Variants in VAT1L observed in about 807,000 individuals in gnomAD.
The protein encoded by VAT1L is putative NADPH-dependent quinone oxidoreductase VAT1L.
VAT1L carries 34 observed loss-of-function variants against 44.1 expected under a neutral mutation model. That is an observed-to-expected ratio of 0.77 (90% CI 0.59 to 1.03). The LOEUF is 1.03. Ranked by LOEUF, VAT1L falls within the 50% of genes least tolerant of loss-of-function variation. The pLI is 0.00. For synonymous variants in VAT1L, 253 were observed against 202.2 expected (o/e 1.25, Z -2.13); for missense variants, 615 against 538.8 (o/e 1.14, Z -1.40).
chr16:77,885,727 TA>T (rs1774396195), intron 7 of VAT1L, among the ~76,000 whole-genome samples: 1 of 152,110 alleles, frequency 6.6e-6, no homozygotes, highest in African/African-American at 2.4e-5. Flanking sequence ...AAATACTTTT[TA>T]AAAAAATAAC....
intron 6 of VAT1L, among the ~76,000 whole-genome samples, chr16:77,883,577 C>G (rs549764930): frequency 3.3e-5 from 5 of 152,266 alleles, no homozygotes; most frequent in African/African-American, 4.8e-5. Context: ...TTAGCTGCAT[C>G]CCTGGCTTCC....
At chr16:77,919,128 GTGTGTGTGCATGTGTGTGCATGCA>G (rs2017583730) in intron 7 of VAT1L, among the ~76,000 whole-genome samples, 1 of 152,198 alleles carries the variant, frequency 6.6e-6, no homozygotes, top group African/African-American at 2.4e-5. Flanking sequence ...TTGAGGGTGT[GTGTGTGTGCATGTGTGTGCATGCA>G]TGTGTGTGCA....
chr16:77,908,065 C>G (rs1463576236), intron 7 of VAT1L, among the ~76,000 whole-genome samples: 2 of 151,896 alleles, frequency 1.3e-5, no homozygotes, highest in South Asian at 2.1e-4. Context: ...ATGGTGAAAC[C>G]CCGTCTCTAC....
intron 7 of VAT1L, among the ~76,000 whole-genome samples, chr16:77,906,386 C>G (rs758253741): frequency 1.3e-5 from 2 of 152,222 alleles, no homozygotes; most frequent in Non-Finnish European, 2.9e-5. Context: ...CACCAGCATA[C>G]TTACCATTTT....
At chr16:77,892,485 T>C (rs1300136687) in intron 7 of VAT1L, 1 of 536,146 alleles carries the variant, frequency 1.9e-6, no homozygotes. Flanking sequence ...TGTGTCTCCT[T>C]TGAGCTGTTT....
chr16:77,904,967 G>GA (rs1177077247), intron 7 of VAT1L, among the ~76,000 whole-genome samples: 1 of 151,714 alleles, frequency 6.6e-6, no homozygotes, highest in East Asian at 1.9e-4. Flanking sequence ...ATACCTCAAG[G>GA]AAAAAAACAA....
chr16:77,908,871 G>A (rs1302144373), intron 7 of VAT1L, among the ~76,000 whole-genome samples: 4 of 151,922 alleles, frequency 2.6e-5, no homozygotes, highest in Admixed American at 1.3e-4. Flanking sequence ...CCGAGATGGC[G>A]CTACTGCACT....
intron 3 of VAT1L, among the ~76,000 whole-genome samples, chr16:77,849,863 G>GA (rs2016791658): frequency 6.6e-6 from 1 of 152,228 alleles, no homozygotes; most frequent in Non-Finnish European, 1.5e-5. Context: ...TGAAGTCACA[G>GA]AAAGAGTCCC....
chr16:77,976,026 A>G (rs408942), intron 8 of VAT1L, among the ~76,000 whole-genome samples: 14,616 of 152,268 alleles, frequency 0.096, 805 homozygotes, highest in African/African-American at 0.13. Flanking sequence ...AAAAGAACCA[A>G]TGTCTGCGAG....
chr16:77,934,552 A>G (rs2017769968), intron 7 of VAT1L, among the ~76,000 whole-genome samples: 1 of 152,136 alleles, frequency 6.6e-6, no homozygotes, highest in Non-Finnish European at 1.5e-5. Flanking sequence ...ACCATTTTGG[A>G]TTTCTGACCT....
intron 3 of VAT1L, among the ~76,000 whole-genome samples, chr16:77,840,146 G>A (rs1484255820): frequency 6.6e-6 from 1 of 152,176 alleles, no homozygotes; most frequent in Non-Finnish European, 1.5e-5. Flanking sequence ...GCAGTGAGTG[G>A]TGGCTGTGAT....
chr16:77,904,885 C>G, intron 7 of VAT1L, among the ~76,000 whole-genome samples: 1 of 152,038 alleles, frequency 6.6e-6, no homozygotes, highest in East Asian at 1.9e-4. Context: ...CATTTGTAAG[C>G]CTACTTCTCT....
chr16:77,903,330 C>G (rs574929759), intron 7 of VAT1L, among the ~76,000 whole-genome samples: 1 of 152,178 alleles, frequency 6.6e-6, no homozygotes, highest in Admixed American at 6.5e-5. Flanking sequence ...CATTTGGAGT[C>G]CAAGGCTTAA....
intron 3 of VAT1L, among the ~76,000 whole-genome samples, chr16:77,832,869 G>A (rs1308853368): frequency 6.6e-6 from 1 of 152,182 alleles, no homozygotes; most frequent in Non-Finnish European, 1.5e-5. Context: ...ACAACAGCAT[G>A]GAGCAAGTGA....
intron 7 of VAT1L, among the ~76,000 whole-genome samples, chr16:77,949,697 T>C (rs34835532): frequency 0.13 from 20,502 of 152,258 alleles, 1,450 homozygotes; most frequent in Middle Eastern, 0.22. Flanking sequence ...CCTTCCGCCA[T>C]GAGCAGAAAC....
At chr16:77,885,894 C>A (rs1417818657) in intron 7 of VAT1L, among the ~76,000 whole-genome samples, 1 of 152,114 alleles carries the variant, frequency 6.6e-6, no homozygotes, top group Admixed American at 6.6e-5. Flanking sequence ...ACAACTGGTC[C>A]TAGATCAATG....
intron 7 of VAT1L, among the ~76,000 whole-genome samples, chr16:77,900,411 G>C (rs910268252): frequency 1.6e-4 from 24 of 152,032 alleles, no homozygotes; most frequent in African/African-American, 5.5e-4. Flanking sequence ...TAGGAAAAAA[G>C]GGCCGGGCAA....
intron 7 of VAT1L, among the ~76,000 whole-genome samples, chr16:77,911,643 C>G (rs977773359): frequency 1.3e-5 from 2 of 152,216 alleles, no homozygotes; most frequent in Admixed American, 6.5e-5. Flanking sequence ...CCAGATTGCA[C>G]TTCCCAAAGC....
intron 4 of VAT1L, among the ~76,000 whole-genome samples, chr16:77,864,151 C>A (rs1174340938): frequency 6.6e-6 from 1 of 152,088 alleles, no homozygotes; most frequent in East Asian, 1.9e-4. Flanking sequence ...GGCTATTGCT[C>A]TGGGCCCCAG....
Sources: allele counts gnomAD v4.1 joint callset (sites outside exome capture counted in the v4.1 genomes callset), GRCh38; gene constraint gnomAD v4.1.1; transcripts MANE v1.5; gene names NCBI Gene and HGNC (gene_info 2026-07-23, HGNC 2026-07-21).